Variants in HDX observed in about 807,000 individuals in gnomAD.
HDX encodes highly divergent homeobox.
In HDX, 19 loss-of-function variants were observed where a neutral mutation model predicts 45.2. The ratio of observed to expected loss-of-function variants is 0.42; its 90% confidence interval spans 0.29 to 0.62. HDX has a LOEUF of 0.62. Ranked by LOEUF, HDX falls within the 20% of genes least tolerant of loss-of-function variation. The probability of loss-of-function intolerance (pLI) is 0.20; values close to 1 mark genes in which losing one functional copy is unlikely to be tolerated. For missense variants in HDX, 532 were observed against 493.9 expected (o/e 1.08, Z -0.73); for synonymous variants, 188 against 172.8 (o/e 1.09, Z -0.69).
chrX:84,437,238 G>A (rs997102425), intron 5 of HDX, among the ~76,000 whole-genome samples: 10 of 110,932 alleles, frequency 9.0e-5, no homozygotes, highest in African/African-American at 2.9e-4. Context: ...AGTAATAAAG[G>A]TAATAATTTA....
intron 1 of HDX, among the ~76,000 whole-genome samples, chrX:84,499,837 G>T (rs955341447): frequency 6.3e-5 from 7 of 111,615 alleles, no homozygotes; most frequent in African/African-American, 2.3e-4. Flanking sequence ...ATAGGAAAGT[G>T]ACAACCAATA....
intron 5 of HDX, among the ~76,000 whole-genome samples, chrX:84,393,693 A>G (rs2038494179): frequency 9.0e-6 from 1 of 110,712 alleles, no homozygotes; most frequent in Admixed American, 9.6e-5. Flanking sequence ...CTTTGATCTC[A>G]TTACTTGTTA....
chrX:84,428,639 G>A (rs2039438022), intron 5 of HDX, among the ~76,000 whole-genome samples: 1 of 111,165 alleles, frequency 9.0e-6, no homozygotes, highest in South Asian at 3.7e-4. Flanking sequence ...TTCCATAGAT[G>A]TATTTTAACA....
intron 5 of HDX, among the ~76,000 whole-genome samples, chrX:84,396,377 T>C (rs2038563988): frequency 8.9e-6 from 1 of 112,330 alleles, no homozygotes; most frequent in Admixed American, 9.5e-5. Flanking sequence ...CAGTTATTAC[T>C]GGAGGCTGTA....
intron 10 of HDX, 96 bp downstream of exon 10, chrX:84,326,082 T>C (rs2036702715): frequency 3.8e-6 from 3 of 798,126 alleles, no homozygotes; most frequent in Non-Finnish European, 5.6e-6. Context: ...CAAGCAGAAA[T>C]GAAGTATTAA....
At chrX:84,360,036 C>T (rs1395015422) in intron 6 of HDX, among the ~76,000 whole-genome samples, 1 of 111,647 alleles carries the variant, frequency 9.0e-6, no homozygotes, top group Admixed American at 9.5e-5. Context: ...ACCCATCTGA[C>T]TAAGGTCTAA....
At chrX:84,488,324 AACACACAC>A (rs200905875) in intron 1 of HDX, among the ~76,000 whole-genome samples, 192 bp from the exon 2 acceptor site, 2,620 of 94,793 alleles carry the variant, frequency 0.028, 71 homozygotes, top group African/African-American at 0.085. Flanking sequence ...TAAAATCTAA[AACACACAC>A]ACACACACAC....
intron 5 of HDX, among the ~76,000 whole-genome samples, chrX:84,390,878 T>G (rs1163216392): frequency 7.2e-5 from 8 of 111,709 alleles, no homozygotes; most frequent in Non-Finnish European, 1.3e-4. Flanking sequence ...CATGTATTTG[T>G]TGCATGCATA....
rs2036947952 is a variant in HDX at position 84,335,848 on chromosome X, C to A, written c.1740+953G>T. Reference sequence around the variant, plus strand: ...AACTATATTCTGCTTGTAGAAAACACTGTTATATATTACTGTTATTTAACA... The same window carrying A: ...AACTATATTCTGCTTGTAGAAAACAATGTTATATATTACTGTTATTTAACA... On this transcript the variant is annotated intron_variant, in intron 8 of 10. Transcript: ENST00000373177. Among the ~76,000 whole-genome samples, 4 of 110,695 alleles carry A rather than the reference C, an allele frequency of 3.6e-5. No individual in the cohort carries two copies. The South Asian group carries it at 1.5e-3, about 42-fold the overall frequency.
At chrX:84,367,185 T>A (rs965347767) in intron 5 of HDX, among the ~76,000 whole-genome samples, 21 of 111,556 alleles carry the variant, frequency 1.9e-4, no homozygotes, top group African/African-American at 6.8e-4. Flanking sequence ...AAAAAGTGGG[T>A]GAAGGATATA....
chrX:84,431,801 T>C lies in HDX; in HGVS notation c.1305+8731A>G, dbSNP rs143252560. ...TTCTGTAGGTTGTCTGTTTACTCTG[T>C]TGAAAGTTCCTTTTGCTGTGCAGAA... is the stretch of plus-strand genomic sequence containing the variant. On this transcript the variant is annotated intron_variant, in intron 5 of 10. Transcript: ENST00000373177. Among the ~76,000 whole-genome samples, 569 of 111,433 alleles carry C rather than the reference T, an allele frequency of 5.1e-3. 4 individuals carry two copies. The highest frequency in any genetic ancestry group is 0.014 in the Middle Eastern group (3 of 215).
intron 4 of HDX, among the ~76,000 whole-genome samples, chrX:84,459,315 G>T (rs910079058): frequency 1.8e-5 from 2 of 109,888 alleles, no homozygotes; most frequent in Non-Finnish European, 3.8e-5. Context: ...GGTGGCGGGC[G>T]CCTGTAGTCC....
At chrX:84,419,208 C>T (rs149923689) in intron 5 of HDX, among the ~76,000 whole-genome samples, 29 of 110,372 alleles carry the variant, frequency 2.6e-4, no homozygotes, top group African/African-American at 9.6e-4. Flanking sequence ...TGGCAACAGG[C>T]AGGTTGAGCA....
At chrX:84,477,549 A>G (rs1353669659) in intron 2 of HDX, among the ~76,000 whole-genome samples, 2 of 111,507 alleles carry the variant, frequency 1.8e-5, no homozygotes, top group Admixed American at 9.6e-5. Context: ...CAGTAATAGC[A>G]GCAAGGCCAC....
chrX:84,419,652 G>A (rs749151825), intron 5 of HDX, among the ~76,000 whole-genome samples: 1 of 112,027 alleles, frequency 8.9e-6, no homozygotes, highest in East Asian at 2.8e-4. Context: ...GTAGAACCCT[G>A]GGGCCTTTAG....
chrX:84,483,058 G>C (rs2040721068), intron 2 of HDX, among the ~76,000 whole-genome samples: 1 of 111,888 alleles, frequency 8.9e-6, no homozygotes, highest in South Asian at 3.7e-4. Flanking sequence ...TGCAAGGAGT[G>C]GGCATCAAAG....
At chrX:84,354,083 G>T (rs2037419389) in intron 6 of HDX, among the ~76,000 whole-genome samples, 1 of 111,180 alleles carries the variant, frequency 9.0e-6, no homozygotes, top group Non-Finnish European at 1.9e-5. Flanking sequence ...TATGATCAAT[G>T]GACAAGTTAT....
At chrX:84,413,517 G>A (rs182526052) in intron 5 of HDX, among the ~76,000 whole-genome samples, 9 of 111,549 alleles carry the variant, frequency 8.1e-5, no homozygotes, top group Non-Finnish European at 1.5e-4. Context: ...AATCTGCCGT[G>A]TAGGAGCCAA....
intron 5 of HDX, among the ~76,000 whole-genome samples, chrX:84,417,651 G>C (rs1478703874): frequency 8.9e-6 from 1 of 112,219 alleles, no homozygotes; most frequent in East Asian, 2.8e-4. Flanking sequence ...AGTTGGTACA[G>C]GTTTGTATGG....
Sources: allele counts gnomAD v4.1 joint callset (sites outside exome capture counted in the v4.1 genomes callset), GRCh38; gene constraint gnomAD v4.1.1; transcripts MANE v1.5; gene names NCBI Gene and HGNC (gene_info 2026-07-23, HGNC 2026-07-21).